CHMP4B: variants seen among roughly 807,000 people sequenced by gnomAD.
CHMP4B encodes the protein SNF7 homolog associated with Alix 1.
A neutral mutation model predicts 25.1 loss-of-function variants in CHMP4B; 1 was observed. The observed-to-expected ratio is 0.04, with a 90% CI of 0.01 to 0.19. CHMP4B has a LOEUF of 0.19. Ranked by LOEUF, CHMP4B falls within the 10% of genes least tolerant of loss-of-function variation. The pLI is 1.00. For missense variants in CHMP4B, 151 were observed against 289.7 expected (o/e 0.52, Z 3.48); for synonymous variants, 101 against 115.6 (o/e 0.87, Z 0.81).
chr20:33,825,185 T>G (rs1979060642), intron 1 of CHMP4B, among the ~76,000 whole-genome samples: 1 of 152,172 alleles, frequency 6.6e-6, no homozygotes, highest in African/African-American at 2.4e-5. Context: ...TCAAAAAATA[T>G]CAAGAATGGG....
At chr20:33,826,565 T>A (rs901655397) in intron 1 of CHMP4B, among the ~76,000 whole-genome samples, 1 of 152,164 alleles carries the variant, frequency 6.6e-6, no homozygotes, top group African/African-American at 2.4e-5. Flanking sequence ...AGCACCCAGG[T>A]GAAGCTTCCC....
intron 1 of CHMP4B, among the ~76,000 whole-genome samples, chr20:33,835,479 A>G (rs992483611): frequency 6.6e-6 from 1 of 152,218 alleles, no homozygotes; most frequent in Non-Finnish European, 1.5e-5. Context: ...ACCTGAAGTT[A>G]TCCCACACCT....
intron 1 of CHMP4B, among the ~76,000 whole-genome samples, chr20:33,824,521 C>G (rs1008983322): frequency 6.6e-6 from 1 of 152,220 alleles, no homozygotes; most frequent in African/African-American, 2.4e-5. Flanking sequence ...ACTGTTATTA[C>G]ATTCTGGAAT....
chr20:33,813,206 G>A (rs1006160934), intron 1 of CHMP4B, among the ~76,000 whole-genome samples: 12 of 152,058 alleles, frequency 7.9e-5, no homozygotes, highest in African/African-American at 2.7e-4. Context: ...GAAAAGGCTC[G>A]GAGGTTAGCA....
chr20:33,817,890 T>A (rs1385804144), intron 1 of CHMP4B, among the ~76,000 whole-genome samples: 1 of 152,342 alleles, frequency 6.6e-6, no homozygotes, highest in East Asian at 1.9e-4. Flanking sequence ...GCTGTTTGGC[T>A]CAAGTCAGCA....
At chr20:33,813,065 A>T (rs552527513) in intron 1 of CHMP4B, among the ~76,000 whole-genome samples, 4 of 152,040 alleles carry the variant, frequency 2.6e-5, no homozygotes, top group Admixed American at 2.6e-4. Flanking sequence ...GAGGGATGCC[A>T]CTTTGGATAG....
chr20:33,811,623 C>G lies in CHMP4B; in HGVS notation c.155C>G (p.Thr52Arg). 6 of 1,613,858 alleles carry G rather than the reference C, an allele frequency of 3.7e-6. No homozygotes were observed. Among genetic ancestry groups the G allele is most frequent in the Non-Finnish European group, 5.1e-6 (6 of 1,179,934 alleles). The change falls in exon 1 of 5, where the codon ACG becomes AGG. Residue 52 changes from threonine (T) to arginine (R), a missense_variant. Transcript: ENST00000217402. ...FLEKKIEQELTAAKKHGTKNK... is the reference protein window; with the variant it reads ...FLEKKIEQELRAAKKHGTKNK... ...GAGAAGAAAATCGAGCAGGAGCTGA[C>G]GGCCGCCAAGAAGCACGGCACCAAA...
intron 1 of CHMP4B, among the ~76,000 whole-genome samples, chr20:33,845,475 A>G (rs572848656): frequency 1.2e-4 from 19 of 152,132 alleles, no homozygotes; most frequent in African/African-American, 4.6e-4. Context: ...GGTGCGCGCC[A>G]CCATGTCCGG....
intron 1 of CHMP4B, among the ~76,000 whole-genome samples, chr20:33,814,910 C>G (rs906184906): frequency 6.6e-6 from 1 of 152,224 alleles, no homozygotes; most frequent in Non-Finnish European, 1.5e-5. Context: ...ATTAGCCTCC[C>G]AAAGTGTTGG....
At chr20:33,845,667 A>T (rs1474866721) in intron 1 of CHMP4B, among the ~76,000 whole-genome samples, 1 of 152,128 alleles carries the variant, frequency 6.6e-6, no homozygotes, top group Admixed American at 6.5e-5. Flanking sequence ...ACTGTGGGTG[A>T]TGGAGCTGGC....
chr20:33,853,392 A>C, intron 4 of CHMP4B, 104 bp from the exon 5 acceptor site: 1 of 1,025,578 alleles, frequency 9.8e-7, no homozygotes, highest in Non-Finnish European at 1.5e-6. Flanking sequence ...GCCACAGGGC[A>C]GGGCTGTTTG....
intron 1 of CHMP4B, among the ~76,000 whole-genome samples, chr20:33,818,922 T>G (rs1015336859): frequency 1.1e-4 from 16 of 152,278 alleles, no homozygotes; most frequent in Non-Finnish European, 1.6e-4. Flanking sequence ...TTGTTTGTTT[T>G]TTTTTGAGAT....
intron 1 of CHMP4B, among the ~76,000 whole-genome samples, chr20:33,824,802 C>T (rs969525564): frequency 6.8e-6 from 1 of 147,860 alleles, no homozygotes; most frequent in Non-Finnish European, 1.5e-5. Flanking sequence ...GTTGTGACAA[C>T]AAAAATGTCT....
At chr20:33,837,027 T>G (rs1979409682) in intron 1 of CHMP4B, among the ~76,000 whole-genome samples, 1 of 152,192 alleles carries the variant, frequency 6.6e-6, no homozygotes, top group African/African-American at 2.4e-5. Flanking sequence ...CTCAAATCTC[T>G]TCATCTGTAA....
At chr20:33,828,196 T>G (rs1979145045) in intron 1 of CHMP4B, among the ~76,000 whole-genome samples, 1 of 152,132 alleles carries the variant, frequency 6.6e-6, no homozygotes, top group African/African-American at 2.4e-5. Flanking sequence ...AAATCAAACT[T>G]TAGCACACAT....
chr20:33,850,806 C>T lies in CHMP4B; in HGVS notation c.369-146C>T, dbSNP rs1374458224. On this transcript the variant is annotated intron_variant, in intron 2 of 4. Coordinates refer to ENST00000217402, the MANE Select transcript of CHMP4B (RefSeq NM_176812.5). ...TTTAAAGGGGAGGAGGCAATAATGC[C>T]AAGTAACCCCTCACAGGGAGTCATT... is the stretch of plus-strand genomic sequence containing the variant. The T allele has an allele frequency of 8.6e-6, 6 of 700,712 alleles. No homozygotes were observed. The East Asian group carries it at 1.1e-4, about 13-fold the overall frequency. The allele number at this position is 700,712 out of a possible 1,614,324, so 43.4% of individuals were successfully genotyped here.
intron 1 of CHMP4B, among the ~76,000 whole-genome samples, chr20:33,813,654 G>A (rs1601313961): frequency 6.6e-6 from 1 of 152,194 alleles, no homozygotes; most frequent in East Asian, 1.9e-4. Context: ...TGCAGGAGGA[G>A]GGTGTCAGTT....
intron 1 of CHMP4B, among the ~76,000 whole-genome samples, chr20:33,842,543 C>T (rs920052136): frequency 2.0e-5 from 3 of 152,174 alleles, no homozygotes; most frequent in African/African-American, 4.8e-5. Flanking sequence ...CAGCCTTGCT[C>T]GGCTCCCTGC....
At chr20:33,830,933 G>GTTTTTTTTTTTTTTTTTTTT (rs55917511) in intron 1 of CHMP4B, among the ~76,000 whole-genome samples, 3 of 102,578 alleles carry the variant, frequency 2.9e-5, no homozygotes, top group East Asian at 4.7e-4. Context: ...AAGGAACAGA[G>GTTTTTTTTTTTTTTTTTTTT]TTTTTTTTTT....
Sources: gnomAD v4.1 joint callset for allele counts (sites outside exome capture counted in the v4.1 genomes callset) on GRCh38, gnomAD v4.1.1 for gene constraint, MANE v1.5 for transcripts, NCBI Gene and HGNC (gene_info 2026-07-23, HGNC 2026-07-21) for gene names.